KCNJ3: variants seen among roughly 807,000 people sequenced by gnomAD.
The protein encoded by KCNJ3 is potassium inwardly rectifying channel subfamily J member 3.
KCNJ3 carries 4 observed loss-of-function variants against 39.2 expected under a neutral mutation model. The observed-to-expected ratio is 0.10, with a 90% CI of 0.05 to 0.23. The LOEUF (loss-of-function observed/expected upper bound fraction) is 0.23. Among genes scored for constraint, KCNJ3 ranks in the 10% least tolerant of loss-of-function variants. The pLI is 1.00. For missense variants in KCNJ3, 276 were observed against 634.9 expected, an observed-to-expected ratio of 0.43 and a Z score of 6.08; for synonymous variants, 230 against 237.4, an observed-to-expected ratio of 0.97 and a Z score of 0.29.
At position 154,779,575 on chromosome 2, in the gene KCNJ3, G is replaced by T. The variant is rs188832120; in HGVS notation, c.919+69756G>T. Among the ~76,000 whole-genome samples the T allele has an allele frequency of 4.4e-4, 64 of 144,272 alleles. 1 individual carries two copies. The East Asian group carries it at 8.2e-3, about 19-fold the overall frequency. 94.6% of individuals were successfully genotyped at this position (144,272 alleles called of 152,430 possible). A position where few individuals can be genotyped will look rare whatever the true frequency, so the allele number is the denominator to read the frequency against. ...TATATAATTTTGGAGACAGAGTCTT[G>T]CTCTATATCCTAGGCTGGAGTGCAG... On this transcript the variant is annotated intron_variant, in intron 2 of 2. Transcript: ENST00000295101.
chr2:154,769,971 T>A (rs1686209031), intron 2 of KCNJ3, among the ~76,000 whole-genome samples: 1 of 152,182 alleles, frequency 6.6e-6, no homozygotes. Context: ...CAGTAAAAAA[T>A]TCAAGCCTTT....
intron 1 of KCNJ3, among the ~76,000 whole-genome samples, chr2:154,705,644 G>C (rs888029892): frequency 2.0e-5 from 3 of 152,008 alleles, no homozygotes; most frequent in African/African-American, 7.2e-5. Context: ...AGGAAAATGT[G>C]AATAATTGAA....
At chr2:154,753,712 C>CT (rs1685887839) in intron 2 of KCNJ3, among the ~76,000 whole-genome samples, 1 of 50,232 alleles carries the variant, frequency 2.0e-5, no homozygotes, top group Admixed American at 3.0e-4. Context: ...TTGGGAAGGG[C>CT]TGACTGTGGC....
In KCNJ3 at chr2:154,747,915, G is replaced by A. The variant is rs528292359; in HGVS notation, c.919+38096G>A. Among the ~76,000 whole-genome samples, 8 of 151,940 alleles carry A rather than the reference G, an allele frequency of 5.3e-5. No homozygotes were observed. The South Asian group carries it at 1.7e-3, about 32-fold the overall frequency. On this transcript the variant is annotated intron_variant, in intron 2 of 2. Coordinates refer to ENST00000295101, the MANE Select transcript of KCNJ3 (RefSeq NM_002239.4). The stretch of plus-strand genomic sequence containing the variant: ...TAGTCAATTTTTGGTCAACTGCATG[G>A]GCTTGGTCAGGAAGCATCCTGACCA...
At chr2:154,805,360 C>A (rs993105544) in intron 2 of KCNJ3, among the ~76,000 whole-genome samples, 1 of 152,024 alleles carries the variant, frequency 6.6e-6, no homozygotes, top group Non-Finnish European at 1.5e-5. Flanking sequence ...AGTAGAAGAA[C>A]GCCGGGCTGA....
intron 2 of KCNJ3, among the ~76,000 whole-genome samples, chr2:154,787,751 T>A (rs1216611700): frequency 9.2e-6 from 1 of 108,664 alleles, no homozygotes. Flanking sequence ...AACTCAAACA[T>A]TTTTTTCATG....
chr2:154,819,009 A>C (rs1687127226), intron 2 of KCNJ3, among the ~76,000 whole-genome samples: 1 of 144,108 alleles, frequency 6.9e-6, no homozygotes, highest in Admixed American at 7.2e-5. Context: ...TCCTTGCAAT[A>C]GCAAGATAAT....
At chr2:154,728,701 A>C (rs1255257677) in intron 2 of KCNJ3, among the ~76,000 whole-genome samples, 2 of 152,178 alleles carry the variant, frequency 1.3e-5, no homozygotes, top group African/African-American at 4.8e-5. Context: ...AGGAATAAGC[A>C]TCTGTGGTGA....
chr2:154,747,615 G>A (rs577927866), intron 2 of KCNJ3, among the ~76,000 whole-genome samples: 60 of 151,932 alleles, frequency 3.9e-4, no homozygotes, highest in African/African-American at 1.4e-3. Context: ...ATAAGTAAAC[G>A]GCTTTGTGAT....
At chr2:154,768,935 T>A (rs1367878601) in intron 2 of KCNJ3, among the ~76,000 whole-genome samples, 1 of 152,194 alleles carries the variant, frequency 6.6e-6, no homozygotes, top group Non-Finnish European at 1.5e-5. Context: ...GGTATTTTAT[T>A]CTTTTTGAAG....
intron 2 of KCNJ3, among the ~76,000 whole-genome samples, chr2:154,804,086 T>A (rs1686868569): frequency 6.6e-6 from 1 of 152,150 alleles, no homozygotes. Flanking sequence ...TAAAATGTTA[T>A]TGGCTATTAT....
intron 2 of KCNJ3, among the ~76,000 whole-genome samples, chr2:154,782,154 A>G (rs191522743): frequency 7.1e-4 from 108 of 152,270 alleles, no homozygotes; most frequent in African/African-American, 2.5e-3. Context: ...GAGATAGTTT[A>G]AAGAAACATT....
intron 2 of KCNJ3, among the ~76,000 whole-genome samples, chr2:154,763,169 A>T (rs971709967): frequency 6.6e-6 from 1 of 152,222 alleles, no homozygotes; most frequent in Non-Finnish European, 1.5e-5. Context: ...TAAATATCTT[A>T]GAGTGCACCT....
chr2:154,836,220 A>AC (rs368365532), intron 2 of KCNJ3, among the ~76,000 whole-genome samples: 27,199 of 69,328 alleles, frequency 0.39, 3,353 homozygotes, highest in East Asian at 0.63. Context: ...AAAAAAAAAC[A>AC]AAAAAAAACA....
At chr2:154,851,494 T>C (rs1260334961) in intron 2 of KCNJ3, among the ~76,000 whole-genome samples, 1 of 152,200 alleles carries the variant, frequency 6.6e-6, no homozygotes, top group Non-Finnish European at 1.5e-5. Context: ...AGTAGGTTTC[T>C]AAGAGAAGAT....
At chr2:154,709,541 G>C in intron 1 of KCNJ3, 62 bp from the exon 2 acceptor site, 1 of 1,533,376 alleles carries the variant, frequency 6.5e-7, no homozygotes, top group South Asian at 1.2e-5. Context: ...ATTACTGTTG[G>C]GCTGCCTTGA....
chr2:154,799,656 C>T (rs1686777596), intron 2 of KCNJ3, among the ~76,000 whole-genome samples: 1 of 152,160 alleles, frequency 6.6e-6, no homozygotes, highest in Non-Finnish European at 1.5e-5. Context: ...TCCAATCTAC[C>T]ATTCCAACCA....
chr2:154,727,726 T>A (rs1685384535), intron 2 of KCNJ3, among the ~76,000 whole-genome samples: 1 of 151,918 alleles, frequency 6.6e-6, no homozygotes, highest in African/African-American at 2.4e-5. Flanking sequence ...ATTGAAAATT[T>A]CTAGGGTGCA....
intron 2 of KCNJ3, among the ~76,000 whole-genome samples, chr2:154,837,379 G>A (rs903229121): frequency 1.1e-4 from 16 of 145,336 alleles, no homozygotes; most frequent in Admixed American, 7.7e-4. Context: ...CAATTTTTGA[G>A]TTCATGAGTT....
Sources: gnomAD v4.1 joint callset for allele counts (sites outside exome capture counted in the v4.1 genomes callset) on GRCh38, gnomAD v4.1.1 for gene constraint, MANE v1.5 for transcripts, NCBI Gene and HGNC (gene_info 2026-07-23, HGNC 2026-07-21) for gene names.